FOXP4: variants seen among roughly 807,000 people sequenced by gnomAD.
FOXP4 encodes forkhead box protein P4.
In FOXP4, 25 loss-of-function variants were observed where a neutral mutation model predicts 82.6. The ratio of observed to expected loss-of-function variants is 0.30; its 90% CI spans 0.22 to 0.42. FOXP4 has a LOEUF of 0.42. Among genes scored for constraint, FOXP4 ranks in the 10% least tolerant of loss-of-function variants. The pLI is 1.00. For missense variants in FOXP4, 785 were observed against 900.9 expected (o/e 0.87, Z 1.65); for synonymous variants, 415 against 388.2 (o/e 1.07, Z -0.81).
chr6:41,581,769 C>T (rs1765816356), intron 3 of FOXP4, among the ~76,000 whole-genome samples: 1 of 152,272 alleles, frequency 6.6e-6, no homozygotes. Context: ...CTGTAGCAGC[C>T]TCCATAGGCA....
intron 14 of FOXP4, among the ~76,000 whole-genome samples, chr6:41,595,382 A>C (rs1270312245): frequency 6.6e-6 from 1 of 151,914 alleles, no homozygotes; most frequent in Non-Finnish European, 1.5e-5. Context: ...CATCAGGATG[A>C]CTAGACCTCT....
At chr6:41,561,136 C>T (rs1562012534) in intron 1 of FOXP4, among the ~76,000 whole-genome samples, 1 of 152,210 alleles carries the variant, frequency 6.6e-6, no homozygotes, top group African/African-American at 2.4e-5. Flanking sequence ...GAGGCAGCCG[C>T]GGCTTTGACC....
chr6:41,557,869 C>A (rs1764363829), intron 1 of FOXP4, among the ~76,000 whole-genome samples: 1 of 151,942 alleles, frequency 6.6e-6, no homozygotes, highest in African/African-American at 2.4e-5. Context: ...TGGGAGAGGA[C>A]CTGGAACAGA....
rs1764383967 is a variant in FOXP4, at chr6:41,558,222, G to C, written c.-16-7523G>C. 6.6e-6 allele frequency among the ~76,000 whole-genome samples: 1 copy of C among 152,214 alleles called. No individual in the cohort carries two copies. The highest frequency in any genetic ancestry group is 2.1e-4 in the South Asian group (1 of 4,832). On this transcript the variant is annotated intron_variant, in intron 1 of 16. Transcript: ENST00000307972. The surrounding 1 kb of genome is among the most constrained non-coding windows in gnomAD (Gnocchi z 4.0). ...ACAGAGCCCCATGTGTTTGGGGAGA[G>C]AAACTGCTGGCACGATCAGGGAGCC...
chr6:41,591,106 C>A lies in FOXP4; in HGVS notation c.1435-115C>A. Reference sequence around the variant, plus strand: ...ATCCACACATTTCTGAGCAGGTCTTCTCACAAAGTGAACTCGGGGCTAGGC... The same window carrying A: ...ATCCACACATTTCTGAGCAGGTCTTATCACAAAGTGAACTCGGGGCTAGGC... On this transcript the variant is annotated intron_variant, in intron 12 of 16. Transcript: ENST00000307972. The surrounding 1 kb of genome is among the most constrained non-coding windows in gnomAD (Gnocchi z 4.2). 1 of 821,724 alleles carries A rather than the reference C, an allele frequency of 1.2e-6. No homozygotes were observed. 50.9% of individuals were successfully genotyped at this position (821,724 alleles called of 1,614,324 possible).
intron 1 of FOXP4, among the ~76,000 whole-genome samples, chr6:41,563,782 G>A (rs776492243): frequency 2.0e-5 from 3 of 152,154 alleles, no homozygotes; most frequent in Non-Finnish European, 4.4e-5. Context: ...CTCTTTATCC[G>A]CAGGTTCCAC....
At chr6:41,557,154 C>G (rs1410421265) in intron 1 of FOXP4, among the ~76,000 whole-genome samples, 1 of 152,194 alleles carries the variant, frequency 6.6e-6, no homozygotes, top group South Asian at 2.1e-4. Context: ...CACCCAGATT[C>G]GACAGGGCCT....
intron 1 of FOXP4, among the ~76,000 whole-genome samples, chr6:41,565,151 G>A (rs1038350383): frequency 3.3e-5 from 5 of 152,048 alleles, no homozygotes; most frequent in Non-Finnish European, 5.9e-5. Context: ...TCAGGAGTTC[G>A]AGACCAGCCT....
At chr6:41,567,931 G>A (rs1296000564) in intron 2 of FOXP4, among the ~76,000 whole-genome samples, 1 of 152,206 alleles carries the variant, frequency 6.6e-6, no homozygotes, top group African/African-American at 2.4e-5. Flanking sequence ...GCTCACTATG[G>A]GCAGAGTGCC....
intron 1 of FOXP4, among the ~76,000 whole-genome samples, chr6:41,554,192 C>T (rs1445838885): frequency 3.3e-5 from 5 of 152,230 alleles, no homozygotes; most frequent in Non-Finnish European, 7.3e-5. Flanking sequence ...TGACTTGCCC[C>T]GAGTCACAGT....
Position 41,591,455 on chromosome 6 carries a change from C to A in FOXP4, c.1536+133C>A. 1 of 759,480 alleles carries A rather than the reference C, an allele frequency of 1.3e-6. No individual in the cohort carries two copies. The highest frequency in any genetic ancestry group is 2.2e-6 in the Non-Finnish European group (1 of 452,410). The allele number at this position is 759,480 out of a possible 1,614,324, so 47.0% of individuals were successfully genotyped here. On this transcript the variant is annotated intron_variant, in intron 13 of 16. Coordinates refer to ENST00000307972, the MANE Select transcript of FOXP4 (RefSeq NM_001012426.2). This position sits in a 1 kb window ranked among gnomAD's most constrained non-coding sequence, Gnocchi z 4.2. Reference sequence around the variant, plus strand: ...CAGAAACAGCCACCCAAGGGCCCAGCCAGGGCTGCATGCCCACGCCCACCT... The same window carrying A: ...CAGAAACAGCCACCCAAGGGCCCAGACAGGGCTGCATGCCCACGCCCACCT...
At chr6:41,565,987 G>T in intron 2 of FOXP4, 23 bp downstream of exon 2, 1 of 1,598,920 alleles carries the variant, frequency 6.3e-7, no homozygotes, top group Non-Finnish European at 8.5e-7. Flanking sequence ...GCGCCTTGGG[G>T]TATCTGGGAG....
Position 41,565,853 on chromosome 6 carries a change from C to A in FOXP4, c.93C>A (p.Ser31Arg). 6.2e-7 allele frequency: 1 copy of A among 1,613,846 alleles called. No individual in the cohort carries two copies. Among genetic ancestry groups the A allele is most frequent in the Non-Finnish European group, 8.5e-7 (1 of 1,179,954 alleles). ...GSLSGQADGS[S>R]GGATGTTASG... ...TCTCTGGGCAAGCCGATGGCAGCAG[C>A]GGCGGGGCCACAGGGACAACTGCAA... Residue 31 changes from serine to arginine, a missense_variant, in exon 2 of 17, where the codon AGC becomes AGA. Transcript: ENST00000307972.
chr6:41,555,379 GC>G (rs1328523487), intron 1 of FOXP4, among the ~76,000 whole-genome samples: 2 of 152,204 alleles, frequency 1.3e-5, no homozygotes, highest in Non-Finnish European at 2.9e-5. Context: ...GCGCATCCCT[GC>G]CAGGGTGAGC....
chr6:41,564,111 G>A (rs1456880732), intron 1 of FOXP4, among the ~76,000 whole-genome samples: 1 of 152,206 alleles, frequency 6.6e-6, no homozygotes, highest in Non-Finnish European at 1.5e-5. Flanking sequence ...TGTGACTCGG[G>A]GGTAGTTGGG....
intron 1 of FOXP4, among the ~76,000 whole-genome samples, chr6:41,560,441 G>A (rs893129274): frequency 6.6e-6 from 1 of 152,306 alleles, no homozygotes; most frequent in South Asian, 2.1e-4. Context: ...AATTCCAACC[G>A]CCACCATTGC....
chr6:41,565,583 G>T (rs1437742364), intron 1 of FOXP4, among the ~76,000 whole-genome samples, 162 bp from the exon 2 acceptor site: 1 of 152,180 alleles, frequency 6.6e-6, no homozygotes, highest in African/African-American at 2.4e-5. Flanking sequence ...ATCGGGAGGA[G>T]CCACATTCCA....
intron 3 of FOXP4, among the ~76,000 whole-genome samples, chr6:41,578,564 C>T (rs1416853679): frequency 1.3e-5 from 2 of 151,984 alleles, no homozygotes; most frequent in Admixed American, 6.6e-5. Context: ...TCCACCAGCT[C>T]TCTCGCAGTC....
chr6:41,576,871 C>T (rs1467209507), intron 2 of FOXP4, among the ~76,000 whole-genome samples: 1 of 152,154 alleles, frequency 6.6e-6, no homozygotes, highest in Non-Finnish European at 1.5e-5. Context: ...GTGTCAAGGG[C>T]TTAGACACAC....
Sources: gnomAD v4.1 joint callset for allele counts (sites outside exome capture counted in the v4.1 genomes callset) on GRCh38, gnomAD v4.1.1 for gene constraint, Gnocchi (gnomAD v3.1) non-coding constraint, MANE v1.5 for transcripts, NCBI Gene and HGNC (gene_info 2026-07-23, HGNC 2026-07-21) for gene names.